The following CYP19A1 variants were observed in gnomAD, a reference collection of about 807,000 sequenced individuals.
The protein encoded by CYP19A1 is aromatase.
Under a neutral mutation model 44.4 loss-of-function variants are expected in CYP19A1, and 32 were observed. The observed-to-expected ratio is 0.72, with a 90% CI of 0.54 to 0.97. CYP19A1 has a LOEUF of 0.97. Ranked by LOEUF, CYP19A1 falls within the 50% of genes least tolerant of loss-of-function variation. The probability of loss-of-function intolerance (pLI) is 0.00; values close to 1 mark genes in which losing one functional copy is unlikely to be tolerated. For missense variants in CYP19A1, 598 were observed against 637.8 expected (o/e 0.94, Z 0.67); for synonymous variants, 212 against 215.6 (o/e 0.98, Z 0.14).
At chr15:51,227,447 G>A (rs542956469) in intron 4 of CYP19A1, among the ~76,000 whole-genome samples, 11 of 152,096 alleles carry the variant, frequency 7.2e-5, no homozygotes, top group African/African-American at 2.4e-4. Flanking sequence ...CAGGTCAATC[G>A]TTTGACTCCG....
intron 1 of CYP19A1, among the ~76,000 whole-genome samples, chr15:51,253,442 G>T (rs1000290066): frequency 6.6e-6 from 1 of 152,096 alleles, no homozygotes; most frequent in East Asian, 1.9e-4. Context: ...TGGGGTAGTC[G>T]TGTAGCTCCC....
intron 1 of CYP19A1, chr15:51,277,165 G>C (rs1033243416): frequency 1.3e-5 from 2 of 152,178 alleles, no homozygotes; most frequent in South Asian, 2.1e-4. Context: ...TTTCTAGTCT[G>C]TTTTCTTAGA....
chr15:51,232,549 A>G (rs1477603693), intron 3 of CYP19A1, among the ~76,000 whole-genome samples: 1 of 151,952 alleles, frequency 6.6e-6, no homozygotes, highest in Non-Finnish European at 1.5e-5. Flanking sequence ...CTGGAATGGA[A>G]CCCTAATCTC....
chr15:51,297,227 C>T (rs1467263105), intron 1 of CYP19A1, among the ~76,000 whole-genome samples: 1 of 152,158 alleles, frequency 6.6e-6, no homozygotes, highest in East Asian at 1.9e-4. Flanking sequence ...GCCATGCAAC[C>T]AACTAGTGGC....
intron 1 of CYP19A1, among the ~76,000 whole-genome samples, chr15:51,272,731 A>C (rs1008746414): frequency 3.3e-5 from 5 of 152,174 alleles, no homozygotes; most frequent in African/African-American, 1.2e-4. Context: ...TCATGTATGA[A>C]GTTTGTAATT....
Position 51,242,715 on chromosome 15 carries a change from C to A in CYP19A1, c.145+53G>T, listed in dbSNP as rs1269810170. ...CAAAATTTTCTTTACCATCATGGACCAAAATCCCAAGTAAATAATCTCCTT... is the reference window on the plus strand; with the variant it reads ...CAAAATTTTCTTTACCATCATGGACAAAAATCCCAAGTAAATAATCTCCTT... On this transcript the variant is annotated intron_variant, in intron 2 of 9. Transcript: ENST00000396402. The A allele has an allele frequency of 7.3e-6, 9 of 1,231,114 alleles. No individual in the cohort carries two copies. In the East Asian group the frequency reaches 9.4e-5, roughly 13 times the overall value. 76.3% of individuals were successfully genotyped at this position (1,231,114 alleles called of 1,614,324 possible).
chr15:51,220,870 T>C (rs147288151), intron 5 of CYP19A1, among the ~76,000 whole-genome samples: 1 of 152,252 alleles, frequency 6.6e-6, no homozygotes, highest in African/African-American at 2.4e-5. Flanking sequence ...AATCAACTTC[T>C]CTTCATCTCT....
intron 1 of CYP19A1, chr15:51,312,686 A>AT (rs2036336907): frequency 6.6e-6 from 1 of 152,268 alleles, no homozygotes; most frequent in South Asian, 2.1e-4. Context: ...AGATAGAAAC[A>AT]TGTTGCTGAG....
At chr15:51,257,678 G>A (rs1053818502) in intron 1 of CYP19A1, among the ~76,000 whole-genome samples, 1 of 152,198 alleles carries the variant, frequency 6.6e-6, no homozygotes, top group Non-Finnish European at 1.5e-5. Flanking sequence ...ACACAGCGCT[G>A]CTTCCATTGC....
At chr15:51,329,844 G>A (rs2141029599) in intron 1 of CYP19A1, among the ~76,000 whole-genome samples, 1 of 152,368 alleles carries the variant, frequency 6.6e-6, no homozygotes, top group East Asian at 1.9e-4. Context: ...GGAGTTCACA[G>A]CCTAACAGGG....
At chr15:51,268,527 C>CA (rs1023915572) in intron 1 of CYP19A1, among the ~76,000 whole-genome samples, 1 of 144,746 alleles carries the variant, frequency 6.9e-6, no homozygotes, top group Non-Finnish European at 1.5e-5. Context: ...CTTCCCCCCC[C>CA]CCCTTTTTTT....
At chr15:51,216,218 A>T (rs2031561220) in intron 6 of CYP19A1, among the ~76,000 whole-genome samples, 2 of 152,092 alleles carry the variant, frequency 1.3e-5, no homozygotes, top group Non-Finnish European at 2.9e-5. Flanking sequence ...AGGAACCTCC[A>T]TTCCCTTGTC....
Position 51,208,268 on chromosome 15 carries a change from G to A in CYP19A1, c.*2540C>T, listed in dbSNP as rs1291251549. ...TCCAAATGGTATTTCTCAATAATGA[G>A]AGAGCTTGCTGGATGTGATTATTTT... On this transcript the variant is annotated 3_prime_UTR_variant, in exon 10 of 10. Coordinates refer to ENST00000396402, the MANE Select transcript of CYP19A1 (RefSeq NM_000103.4). The A allele has an allele frequency of 2.0e-5, 3 of 152,138 alleles. No homozygotes were observed. The highest frequency in any genetic ancestry group is 4.4e-5 in the Non-Finnish European group (3 of 68,024). 9.4% of individuals were successfully genotyped at this position (152,138 alleles called of 1,614,324 possible).
At chr15:51,323,944 C>T (rs1014024129) in intron 1 of CYP19A1, 1 of 152,254 alleles carries the variant, frequency 6.6e-6, no homozygotes, top group Non-Finnish European at 1.5e-5. Flanking sequence ...GACAACGGGA[C>T]TCTGTGCCAG....
At chr15:51,222,608 A>G in intron 4 of CYP19A1, 83 bp from the exon 5 acceptor site, 1 of 1,051,672 alleles carries the variant, frequency 9.5e-7, no homozygotes, top group Non-Finnish European at 1.5e-6. Context: ...TTTATGTTGG[A>G]GCTTAATTGT....
At chr15:51,336,884 T>C (rs1253412023) in intron 1 of CYP19A1, among the ~76,000 whole-genome samples, 2 of 149,902 alleles carry the variant, frequency 1.3e-5, no homozygotes, top group African/African-American at 2.5e-5. Context: ...GCCTCCTGTG[T>C]CAACAAAACA....
At chr15:51,282,588 A>G (rs755669973) in intron 1 of CYP19A1, among the ~76,000 whole-genome samples, 2 of 152,186 alleles carry the variant, frequency 1.3e-5, no homozygotes, top group Admixed American at 6.5e-5. Flanking sequence ...TGCGTTGGCC[A>G]CCTGGACCCA....
chr15:51,212,535 T>G lies in CYP19A1; in HGVS notation c.1048A>C (p.Ile350Leu). The change falls in exon 9 of 10, where the codon ATA (isoleucine) becomes CTA (leucine). Residue 350 changes from isoleucine (I) to leucine (L), a missense_variant. Coordinates refer to ENST00000396402, the MANE Select transcript of CYP19A1 (RefSeq NM_000103.4). ...TTTTCCATCACTTTTAATTTTTGTA[T>G]ATCATCAATCTTTATGTCTCTCTCA... is the stretch of plus-strand genomic sequence containing the variant. ...IGERDIKIDD[I>L]QKLKVMENFI... The G allele has an allele frequency of 6.7e-7, 1 of 1,502,824 alleles. No homozygotes were observed. Among genetic ancestry groups the G allele is most frequent in the Non-Finnish European group, 9.3e-7 (1 of 1,078,420 alleles). 93.1% of individuals were successfully genotyped at this position (1,502,824 alleles called of 1,614,324 possible). A position where few individuals can be genotyped will look rare whatever the true frequency, so the allele number is the denominator to read the frequency against.
chr15:51,236,833 A>G (rs769930163), intron 3 of CYP19A1, 26 bp downstream of exon 3: 2 of 1,613,690 alleles, frequency 1.2e-6, no homozygotes, highest in South Asian at 2.2e-5. Flanking sequence ...TTTAAAAAGT[A>G]TGTCTTCGAT....
Sources: gnomAD v4.1 joint callset for allele counts (sites outside exome capture counted in the v4.1 genomes callset) on GRCh38, gnomAD v4.1.1 for gene constraint, MANE v1.5 for transcripts, NCBI Gene and HGNC (gene_info 2026-07-23, HGNC 2026-07-21) for gene names.